The following MSRA variants were observed in gnomAD, a reference collection of about 807,000 sequenced individuals.
MSRA encodes the protein methionine sulfoxide reductase A, also known as mitochondrial peptide methionine sulfoxide reductase.
In MSRA, 54 loss-of-function variants were observed where a neutral mutation model predicts 31.3. The ratio of observed to expected loss-of-function variants is 1.73; its 90% confidence interval spans 1.39 to 2.17. MSRA has a LOEUF of 2.17. MSRA is among the 30% of genes most tolerant of loss of function. MSRA has a pLI of 0.00. For synonymous variants in MSRA, 169 were observed against 116.5 expected, an observed-to-expected ratio of 1.45 and a Z score of -2.90; for missense variants, 507 against 300.9, an observed-to-expected ratio of 1.69 and a Z score of -5.07.
intron 1 of MSRA, among the ~76,000 whole-genome samples, chr8:10,147,571 G>A (rs1181159954): frequency 6.6e-6 from 1 of 152,198 alleles, no homozygotes; most frequent in Non-Finnish European, 1.5e-5. Context: ...CGTGTACAGG[G>A]TAGAAGGGGT....
intron 1 of MSRA, among the ~76,000 whole-genome samples, chr8:10,117,616 G>C (rs1465390047): frequency 6.6e-6 from 1 of 152,224 alleles, no homozygotes; most frequent in Non-Finnish European, 1.5e-5. Context: ...TATAGATATA[G>C]ATAGTCTGTA....
intron 1 of MSRA, among the ~76,000 whole-genome samples, chr8:10,121,759 C>A (rs1801123986): frequency 6.6e-6 from 1 of 152,034 alleles, no homozygotes; most frequent in Non-Finnish European, 1.5e-5. Flanking sequence ...CGGCTTCAGA[C>A]TCCTAAGCTC....
rs372288936 is a variant in MSRA at position 10,099,794 on chromosome 8, C to G, written c.142+45136C>G. On this transcript the variant is annotated intron_variant, in intron 1 of 5. Coordinates refer to ENST00000317173, the MANE Select transcript of MSRA (RefSeq NM_012331.5). ...GGAGATGATATGAAACAAGGACTTG[C>G]CTGGTGTGGGGTGGCCCTGGACACC... Among the ~76,000 whole-genome samples, 7 of 152,250 alleles carry G rather than the reference C, an allele frequency of 4.6e-5. No homozygotes were observed. In the East Asian group the frequency reaches 1.2e-3, roughly 25 times the overall value.
At chr8:10,278,796 G>A (rs1450017756) in intron 3 of MSRA, among the ~76,000 whole-genome samples, 1 of 152,168 alleles carries the variant, frequency 6.6e-6, no homozygotes, top group Non-Finnish European at 1.5e-5. Context: ...AGAAGTTTTA[G>A]ACAGTCTTTT....
intron 1 of MSRA, among the ~76,000 whole-genome samples, chr8:10,195,310 G>A (rs1385760870): frequency 1.3e-5 from 2 of 152,084 alleles, no homozygotes; most frequent in Non-Finnish European, 2.9e-5. Flanking sequence ...GCACAATCTC[G>A]GCTCATTGCA....
At chr8:10,115,767 C>T (rs1036556805) in intron 1 of MSRA, among the ~76,000 whole-genome samples, 1 of 152,304 alleles carries the variant, frequency 6.6e-6, no homozygotes, top group Non-Finnish European at 1.5e-5. Context: ...GCAAGGACGT[C>T]ATCTTAGTCA....
At chr8:10,183,625 A>G (rs1289683058) in intron 1 of MSRA, among the ~76,000 whole-genome samples, 2 of 152,162 alleles carry the variant, frequency 1.3e-5, no homozygotes, top group African/African-American at 4.8e-5. Context: ...AGACAGGCTG[A>G]TCTCTGGCTA....
rs547322238 is a variant in MSRA, at chr8:10,183,415, C to T, written c.143-24418C>T. 8.9e-4 allele frequency among the ~76,000 whole-genome samples: 136 copies of T among 152,252 alleles called. 1 individual carries two copies. The South Asian group carries it at 0.018, about 20-fold the overall frequency. ...AAGGTTTACAAAGTAGCTGAGATGC[C>T]ACCTGGGACCTACTATTAAAAGCCA... On this transcript the variant is annotated intron_variant, in intron 1 of 5. Transcript: ENST00000317173.
At chr8:10,404,715 G>A (rs550900871) in intron 5 of MSRA, among the ~76,000 whole-genome samples, 7 of 152,362 alleles carry the variant, frequency 4.6e-5, no homozygotes, top group Non-Finnish European at 8.8e-5. Context: ...CCTTCTCGTG[G>A]CACCTGCCTG....
chr8:10,298,502 C>T (rs184621782), intron 3 of MSRA, among the ~76,000 whole-genome samples: 4 of 151,862 alleles, frequency 2.6e-5, no homozygotes, highest in Admixed American at 6.6e-5. Flanking sequence ...TTAATGGGTA[C>T]GGAATATCAG....
intron 1 of MSRA, among the ~76,000 whole-genome samples, chr8:10,108,166 G>T (rs1047784531): frequency 2.6e-5 from 4 of 152,168 alleles, no homozygotes; most frequent in Non-Finnish European, 5.9e-5. Flanking sequence ...GTTCTCAGTG[G>T]TTCTATTTGG....
chr8:10,208,370 T>C (rs558185410), intron 2 of MSRA, among the ~76,000 whole-genome samples: 63 of 152,292 alleles, frequency 4.1e-4, no homozygotes, highest in African/African-American at 1.4e-3. Flanking sequence ...TTAAAAATGT[T>C]TTCAGCAAAG....
chr8:10,163,167 A>C (rs897052309), intron 1 of MSRA, among the ~76,000 whole-genome samples: 1 of 152,132 alleles, frequency 6.6e-6, no homozygotes, highest in African/African-American at 2.4e-5. Context: ...CCATGCTGGC[A>C]CCTTGATCTT....
chr8:10,134,602 CGTGACCT>C (rs1335460781), intron 1 of MSRA, among the ~76,000 whole-genome samples: 1 of 152,176 alleles, frequency 6.6e-6, no homozygotes, highest in African/African-American at 2.4e-5. Flanking sequence ...TAAGTTTACC[CGTGACCT>C]GTGGTCATTC....
chr8:10,126,983 C>T (rs1056150126), intron 1 of MSRA, among the ~76,000 whole-genome samples: 1 of 152,224 alleles, frequency 6.6e-6, no homozygotes, highest in Admixed American at 6.5e-5. Context: ...GGCCTGGTTC[C>T]CAACAGGCCA....
intron 2 of MSRA, among the ~76,000 whole-genome samples, chr8:10,240,984 G>C (rs1013096429): frequency 6.6e-6 from 1 of 151,982 alleles, no homozygotes; most frequent in Non-Finnish European, 1.5e-5. Flanking sequence ...TGCAGCTCAC[G>C]CGTGCCCTCT....
At chr8:10,241,987 G>C (rs565931853) in intron 2 of MSRA, among the ~76,000 whole-genome samples, 1 of 152,286 alleles carries the variant, frequency 6.6e-6, no homozygotes, top group East Asian at 1.9e-4. Context: ...ATGACTTAAA[G>C]ACAGCCGGAT....
chr8:10,209,497 A>G (rs1486584461), intron 2 of MSRA, among the ~76,000 whole-genome samples: 2 of 152,234 alleles, frequency 1.3e-5, no homozygotes, highest in Non-Finnish European at 2.9e-5. Context: ...ACAGGGAATG[A>G]GGCTCTGTGG....
intron 1 of MSRA, among the ~76,000 whole-genome samples, chr8:10,135,825 C>G (rs1414895802): frequency 6.6e-6 from 1 of 152,202 alleles, no homozygotes; most frequent in Non-Finnish European, 1.5e-5. Flanking sequence ...GAGACATCCC[C>G]AAAGTGTTTC....
Sources: allele counts gnomAD v4.1 joint callset (sites outside exome capture counted in the v4.1 genomes callset), GRCh38; gene constraint gnomAD v4.1.1; transcripts MANE v1.5; gene names NCBI Gene and HGNC (gene_info 2026-07-23, HGNC 2026-07-21).